Variants in TNFSF4 observed in about 807,000 individuals in gnomAD.
TNFSF4 encodes the protein TNF superfamily member 4.
TNFSF4 carries 4 observed loss-of-function variants against 7.3 expected under a neutral mutation model. The ratio of observed to expected loss-of-function variants is 0.55; its 90% CI spans 0.27 to 1.25. TNFSF4 has a LOEUF of 1.25. Ranked by LOEUF, TNFSF4 falls within the 50% of genes most tolerant of loss-of-function variation. TNFSF4 has a pLI of 0.12. For synonymous variants in TNFSF4, 76 were observed against 83.7 expected, an observed-to-expected ratio of 0.91 and a Z score of 0.50; for missense variants, 181 against 208.8, an observed-to-expected ratio of 0.87 and a Z score of 0.82.
At chr1:173,187,234 A>G (rs1225744487) in intron 2 of TNFSF4, among the ~76,000 whole-genome samples, 3 of 152,216 alleles carry the variant, frequency 2.0e-5, no homozygotes, top group Non-Finnish European at 4.4e-5. Flanking sequence ...CAAAGCACCT[A>G]TAGCAGGACA....
chr1:173,315,910 A>G, the TNFSF4 span, among the ~76,000 whole-genome samples: 5 of 151,946 alleles, frequency 3.3e-5, no homozygotes, highest in African/African-American at 1.2e-4. Flanking sequence ...ATGTAGTCCC[A>G]TTTGCTTATT....
the TNFSF4 span, among the ~76,000 whole-genome samples, chr1:173,173,639 G>A: frequency 0.011 from 1,618 of 152,262 alleles, 15 homozygotes; most frequent in Non-Finnish European, 0.015. Context: ...CTGTACACTC[G>A]CAGGCCCAAC....
At chr1:173,239,646 G>A in the TNFSF4 span, among the ~76,000 whole-genome samples, 2 of 152,180 alleles carry the variant, frequency 1.3e-5, no homozygotes, top group African/African-American at 2.4e-5. Flanking sequence ...CAGGTCTCTT[G>A]TCTTGCACTC....
rs535827217 is a variant in TNFSF4 at position 173,188,434 on chromosome 1, G to T, written c.202+87C>A. The T allele has an allele frequency of 1.0e-5, 11 of 1,049,384 alleles. No individual in the cohort carries two copies. In the East Asian group the frequency reaches 2.6e-4, roughly 25 times the overall value. The allele number at this position is 1,049,384 out of a possible 1,614,324, so 65.0% of individuals were successfully genotyped here. Reference sequence around the variant, plus strand: ...TTAATTCCTTCCCTTAGGAAAAGAAGAGATCTTGTGTTCTAGAGGAAATTA... The same window carrying T: ...TTAATTCCTTCCCTTAGGAAAAGAATAGATCTTGTGTTCTAGAGGAAATTA... On this transcript the variant is annotated intron_variant, in intron 2 of 2. Transcript: ENST00000281834.
At chr1:173,287,123 G>C in the TNFSF4 span, among the ~76,000 whole-genome samples, 1 of 152,072 alleles carries the variant, frequency 6.6e-6, no homozygotes, top group Non-Finnish European at 1.5e-5. Context: ...TTCAAGACCA[G>C]GCTGGGCAAC....
chr1:173,214,041 G>A, the TNFSF4 span, among the ~76,000 whole-genome samples: 7 of 152,174 alleles, frequency 4.6e-5, no homozygotes, highest in Non-Finnish European at 1.0e-4. Context: ...CAAGAGTGCT[G>A]AGGTGGAGAA....
At chr1:173,245,778 T>C in the TNFSF4 span, among the ~76,000 whole-genome samples, 1 of 152,300 alleles carries the variant, frequency 6.6e-6, no homozygotes. Context: ...TGACCAATAT[T>C]TTACTCTGTA....
the TNFSF4 span, among the ~76,000 whole-genome samples, chr1:173,290,050 A>G: frequency 2.6e-5 from 4 of 152,174 alleles, no homozygotes; most frequent in Admixed American, 2.6e-4. Context: ...CACAAGCAGA[A>G]TAAAAATAAA....
the TNFSF4 span, among the ~76,000 whole-genome samples, chr1:173,326,472 T>C: frequency 6.6e-6 from 1 of 152,098 alleles, no homozygotes; most frequent in Non-Finnish European, 1.5e-5. Flanking sequence ...AGGGATGCCC[T>C]CTCTCACCAC....
chr1:173,399,067 G>A, the TNFSF4 span, among the ~76,000 whole-genome samples: 1,150 of 152,284 alleles, frequency 7.6e-3, 6 homozygotes, highest in Middle Eastern at 0.017. Flanking sequence ...ATCATGAAGT[G>A]TTATCTGACC....
intron 1 of TNFSF4, 106 bp downstream of exon 1, chr1:173,206,918 A>T: frequency 7.5e-7 from 1 of 1,332,462 alleles, no homozygotes; most frequent in Non-Finnish European, 1.0e-6. Context: ...GGGAAAAAAA[A>T]CTCAACACTT....
chr1:173,433,876 A>C, the TNFSF4 span, among the ~76,000 whole-genome samples: 1 of 152,228 alleles, frequency 6.6e-6, no homozygotes, highest in African/African-American at 2.4e-5. Flanking sequence ...TAGTCAGTTA[A>C]GATGAGATCA....
chr1:173,308,392 G>T, the TNFSF4 span, among the ~76,000 whole-genome samples: 2 of 149,476 alleles, frequency 1.3e-5, no homozygotes, highest in African/African-American at 2.5e-5. Flanking sequence ...TTGTCTTCTA[G>T]AATATTTATT....
At chr1:173,287,692 A>G in the TNFSF4 span, among the ~76,000 whole-genome samples, 1 of 152,224 alleles carries the variant, frequency 6.6e-6, no homozygotes, top group East Asian at 1.9e-4. Flanking sequence ...CAATAATAGA[A>G]CGGAGAAAAA....
At chr1:173,289,438 T>G in the TNFSF4 span, among the ~76,000 whole-genome samples, 1 of 152,158 alleles carries the variant, frequency 6.6e-6, no homozygotes, top group Non-Finnish European at 1.5e-5. Context: ...CTTCTCAGAA[T>G]TTTTCCAACA....
chr1:173,266,372 G>A, the TNFSF4 span, among the ~76,000 whole-genome samples: 2 of 152,084 alleles, frequency 1.3e-5, no homozygotes, highest in Non-Finnish European at 1.5e-5. Context: ...GTAGAGAAAT[G>A]GGATAGCCTC....
the TNFSF4 span, among the ~76,000 whole-genome samples, chr1:173,444,194 T>C: frequency 6.6e-6 from 1 of 152,060 alleles, no homozygotes; most frequent in Non-Finnish European, 1.5e-5. Flanking sequence ...CCCGACCCCT[T>C]TCTCCAACAC....
At chr1:173,344,254 C>A in the TNFSF4 span, among the ~76,000 whole-genome samples, 1 of 152,178 alleles carries the variant, frequency 6.6e-6, no homozygotes, top group South Asian at 2.1e-4. Flanking sequence ...TATTGTACAG[C>A]AGTAAATAGC....
the TNFSF4 span, among the ~76,000 whole-genome samples, chr1:173,273,417 G>T: frequency 4.6e-5 from 7 of 152,012 alleles, no homozygotes; most frequent in East Asian, 1.2e-3. Context: ...TAAGTTTATT[G>T]TGGTGCAAAA....
Sources: allele counts gnomAD v4.1 joint callset (sites outside exome capture counted in the v4.1 genomes callset), GRCh38; gene constraint gnomAD v4.1.1; transcripts MANE v1.5; gene names NCBI Gene and HGNC (gene_info 2026-07-23, HGNC 2026-07-21).